RBFOX1: variants seen among roughly 807,000 people sequenced by gnomAD.
RBFOX1 encodes the protein RNA binding fox-1 homolog 1.
A neutral mutation model predicts 57.7 loss-of-function variants in RBFOX1; 8 were observed. That is an observed-to-expected ratio of 0.14 (90% CI 0.08 to 0.25). The LOEUF is 0.25. Ranked by LOEUF, RBFOX1 falls within the 10% of genes least tolerant of loss-of-function variation. The pLI, the probability that RBFOX1 is intolerant of heterozygous loss-of-function variation, is 1.00. For missense variants in RBFOX1, 611 were observed against 548.5 expected (o/e 1.11, Z -1.14); for synonymous variants, 326 against 222.4 (o/e 1.47, Z -4.15).
At chr16:7,482,541 G>GTTTTTTTTTTTTTT (rs1567418090) in intron 4 of RBFOX1, among the ~76,000 whole-genome samples, 1 of 122,700 alleles carries the variant, frequency 8.1e-6, no homozygotes, top group African/African-American at 3.5e-5. Context: ...GATTGCCTGG[G>GTTTTTTTTTTTTTT]ATTTTTTTTT....
intron 2 of RBFOX1, among the ~76,000 whole-genome samples, chr16:6,554,489 G>C (rs1021222037): frequency 1.1e-4 from 16 of 152,144 alleles, no homozygotes; most frequent in Admixed American, 5.2e-4. Context: ...TGAATATACT[G>C]AAAGCTACTG....
intron 3 of RBFOX1, among the ~76,000 whole-genome samples, chr16:6,883,640 G>C (rs902469515): frequency 2.6e-5 from 4 of 152,148 alleles, no homozygotes; most frequent in African/African-American, 9.7e-5. Flanking sequence ...TTCAAAGCTA[G>C]ATTTCTATCT....
chr16:7,353,549 G>C (rs977867659), intron 4 of RBFOX1, among the ~76,000 whole-genome samples: 1 of 152,128 alleles, frequency 6.6e-6, no homozygotes, highest in African/African-American at 2.4e-5. Context: ...CCAAAGCATG[G>C]AAACAGGCTA....
intron 4 of RBFOX1, among the ~76,000 whole-genome samples, chr16:7,514,067 A>G (rs956968102): frequency 2.0e-5 from 3 of 151,952 alleles, no homozygotes; most frequent in Non-Finnish European, 4.4e-5. Flanking sequence ...TGGTGATCCC[A>G]TATCTAATGA....
At chr16:5,352,506 C>T (rs1017626944) in intron 1 of RBFOX1, among the ~76,000 whole-genome samples, 3 of 152,206 alleles carry the variant, frequency 2.0e-5, no homozygotes, top group African/African-American at 7.2e-5. Flanking sequence ...TGCACACAGG[C>T]TCACATTTTA....
chr16:6,864,603 A>C (rs1018328626), intron 3 of RBFOX1, among the ~76,000 whole-genome samples: 4 of 151,220 alleles, frequency 2.6e-5, no homozygotes, highest in African/African-American at 9.7e-5. Flanking sequence ...GGATGTGTCA[A>C]CGGCAGGATA....
chr16:6,955,872 A>C (rs900369696), intron 3 of RBFOX1, among the ~76,000 whole-genome samples: 1 of 149,384 alleles, frequency 6.7e-6, no homozygotes, highest in Admixed American at 6.6e-5. Context: ...TGCTCAGCTA[A>C]ATTTTGTAAT....
intron 4 of RBFOX1, among the ~76,000 whole-genome samples, chr16:7,186,207 T>C (rs1432556029): frequency 1.4e-5 from 2 of 147,854 alleles, no homozygotes; most frequent in Non-Finnish European, 3.0e-5. Flanking sequence ...TATAAATGTG[T>C]ATATAAATAT....
intron 14 of RBFOX1, among the ~76,000 whole-genome samples, chr16:7,699,029 T>C (rs921772066): frequency 6.6e-6 from 1 of 152,202 alleles, no homozygotes; most frequent in Non-Finnish European, 1.5e-5. Flanking sequence ...CCTGGAGAAC[T>C]TGTTACAAAT....
In RBFOX1 at chr16:5,592,026, G is replaced by A. The variant is rs149909479; in HGVS notation, c.259-6876G>A. On this transcript the variant is annotated intron_variant, in intron 2 of 2. Transcript: ENST00000585867. ...TCAAATTTCTTCTTTGTCAGTCTCC[G>A]TAAAAAATAATATATTGCCTTATTT... is the stretch of plus-strand genomic sequence containing the variant. Among the ~76,000 whole-genome samples, 425 of 152,248 alleles carry A rather than the reference G, an allele frequency of 2.8e-3. 3 individuals carry two copies. The highest frequency in any genetic ancestry group is 0.018 in the East Asian group (94 of 5,184).
At chr16:5,603,937 C>G (rs148544442), downstream of RBFOX1, among the ~76,000 whole-genome samples, 1 of 148,212 alleles carries the variant, frequency 6.7e-6, no homozygotes, top group East Asian at 1.9e-4. Context: ...CTATACCCTC[C>G]TATACCCAAG....
intron 2 of RBFOX1, among the ~76,000 whole-genome samples, chr16:6,649,394 G>T (rs755263499): frequency 1.8e-4 from 28 of 152,090 alleles, no homozygotes; most frequent in Non-Finnish European, 1.5e-4. Context: ...AGGTTTCTGG[G>T]GAACAGGTGG....
At chr16:6,812,421 T>A (rs2088918900) in intron 3 of RBFOX1, among the ~76,000 whole-genome samples, 1 of 152,170 alleles carries the variant, frequency 6.6e-6, no homozygotes, top group African/African-American at 2.4e-5. Flanking sequence ...TCACCCAGGC[T>A]GGAGTGCAGT....
intron 1 of RBFOX1, among the ~76,000 whole-genome samples, chr16:6,236,043 A>C (rs535157615): frequency 1.1e-4 from 16 of 152,236 alleles, no homozygotes; most frequent in Non-Finnish European, 1.9e-4. Context: ...AAAGAATGAC[A>C]CTGACAAAAT....
chr16:7,014,981 C>G (rs2093836191), intron 3 of RBFOX1, among the ~76,000 whole-genome samples: 2 of 152,274 alleles, frequency 1.3e-5, no homozygotes, highest in South Asian at 4.1e-4. Context: ...GCCTGGACCT[C>G]CCAAAGGGCT....
chr16:7,541,040 A>T (rs1487513420), intron 5 of RBFOX1, among the ~76,000 whole-genome samples: 2 of 152,172 alleles, frequency 1.3e-5, no homozygotes, highest in Admixed American at 1.3e-4. Flanking sequence ...CAAGACCCAG[A>T]ATGTTTCCTT....
intron 2 of RBFOX1, among the ~76,000 whole-genome samples, chr16:5,562,142 G>A (rs1447697447): frequency 6.6e-6 from 1 of 152,286 alleles, no homozygotes; most frequent in Middle Eastern, 3.4e-3. Flanking sequence ...AGGTTAGAAT[G>A]ACCTCTCATC....
chr16:5,997,739 C>T (rs2060515534), intron 4 of RBFOX1, among the ~76,000 whole-genome samples: 1 of 152,172 alleles, frequency 6.6e-6, no homozygotes, highest in Non-Finnish European at 1.5e-5. Context: ...AGCCTCATTC[C>T]CGTAAAAGTT....
intron 3 of RBFOX1, among the ~76,000 whole-genome samples, chr16:5,851,821 ACTGT>A (rs1432933328): frequency 2.0e-5 from 3 of 152,168 alleles, no homozygotes; most frequent in African/African-American, 7.2e-5. Flanking sequence ...TCTTAAAGGA[ACTGT>A]CTGTTGCTGA....
Sources: allele counts gnomAD v4.1 joint callset (sites outside exome capture counted in the v4.1 genomes callset), GRCh38; gene constraint gnomAD v4.1.1; transcripts MANE v1.5; gene names NCBI Gene and HGNC (gene_info 2026-07-23, HGNC 2026-07-21).